Variants in CCDC148 observed in about 807,000 individuals in gnomAD.
CCDC148 encodes coiled-coil domain-containing protein 148.
CCDC148 carries 89 observed loss-of-function variants against 85.7 expected under a neutral mutation model. That is an observed-to-expected ratio of 1.04 (90% CI 0.87 to 1.24). CCDC148 has a LOEUF of 1.24. Ranked by LOEUF, CCDC148 falls within the 50% of genes most tolerant of loss-of-function variation. CCDC148 has a pLI of 0.00. For synonymous variants in CCDC148, 230 were observed against 213.9 expected, an observed-to-expected ratio of 1.08 and a Z score of -0.66; for missense variants, 692 against 671.7, an observed-to-expected ratio of 1.03 and a Z score of -0.33.
chr2:158,421,707 A>C (rs1014676765), intron 1 of CCDC148, among the ~76,000 whole-genome samples: 1 of 152,176 alleles, frequency 6.6e-6, no homozygotes, highest in Non-Finnish European at 1.5e-5. Flanking sequence ...ACACATTCAA[A>C]AGCTAGCAGA....
chr2:158,245,072 G>A, intron 10 of CCDC148, among the ~76,000 whole-genome samples: 1 of 152,252 alleles, frequency 6.6e-6, no homozygotes, highest in African/African-American at 2.4e-5. Context: ...CTGGGAGAAT[G>A]GTTCAGATCT....
intron 1 of CCDC148, among the ~76,000 whole-genome samples, chr2:158,405,312 A>G (rs1490413320): frequency 6.6e-6 from 1 of 152,200 alleles, no homozygotes; most frequent in Non-Finnish European, 1.5e-5. Context: ...AAAAAGCCCT[A>G]CAGATTATCT....
At chr2:158,252,936 A>G (rs1688855006) in intron 9 of CCDC148, among the ~76,000 whole-genome samples, 1 of 151,776 alleles carries the variant, frequency 6.6e-6, no homozygotes, top group African/African-American at 2.4e-5. Flanking sequence ...TAACTTTGCC[A>G]TAGCTTCACA....
At chr2:158,179,500 A>G (rs547463654) in intron 11 of CCDC148, among the ~76,000 whole-genome samples, 4 of 152,116 alleles carry the variant, frequency 2.6e-5, no homozygotes, top group African/African-American at 9.6e-5. Context: ...AATTCAGTTC[A>G]TCTCATTCCT....
intron 7 of CCDC148, among the ~76,000 whole-genome samples, chr2:158,324,420 T>C (rs1692668564): frequency 6.6e-6 from 1 of 152,202 alleles, no homozygotes; most frequent in Admixed American, 6.6e-5. Flanking sequence ...TAATCATTAA[T>C]GTCAGTGTAG....
At chr2:158,237,609 G>A (rs1688165548) in intron 10 of CCDC148, among the ~76,000 whole-genome samples, 1 of 152,170 alleles carries the variant, frequency 6.6e-6, no homozygotes, top group Non-Finnish European at 1.5e-5. Flanking sequence ...TAGGGAAAGA[G>A]TATTTTGGAG....
At chr2:158,176,087 G>GTTCATT (rs1326509620) in intron 13 of CCDC148, among the ~76,000 whole-genome samples, 1 of 151,874 alleles carries the variant, frequency 6.6e-6, no homozygotes, top group Non-Finnish European at 1.5e-5. Flanking sequence ...ATTATCTTCT[G>GTTCATT]TTCATTTTCA....
intron 9 of CCDC148, among the ~76,000 whole-genome samples, chr2:158,301,836 T>C (rs1239876186): frequency 6.6e-6 from 1 of 151,664 alleles, no homozygotes; most frequent in Non-Finnish European, 1.5e-5. Context: ...CCTTAAGGGG[T>C]GGAGAAGATT....
At chr2:158,431,046 G>GA (rs1470724644) in intron 1 of CCDC148, among the ~76,000 whole-genome samples, 2 of 150,930 alleles carry the variant, frequency 1.3e-5, no homozygotes, top group East Asian at 3.9e-4. Flanking sequence ...AACACAGAGA[G>GA]AAAAAAGACC....
chr2:158,177,151 G>A (rs1416305685), intron 12 of CCDC148, among the ~76,000 whole-genome samples: 1 of 151,796 alleles, frequency 6.6e-6, no homozygotes, highest in Non-Finnish European at 1.5e-5. Context: ...TGGCATTAGT[G>A]AACAAGGTGG....
intron 9 of CCDC148, among the ~76,000 whole-genome samples, chr2:158,303,186 T>G (rs548906079): frequency 4.3e-4 from 65 of 152,320 alleles, no homozygotes; most frequent in Non-Finnish European, 8.4e-4. Flanking sequence ...GGTTAAATGT[T>G]TAATTAATGT....
chr2:158,323,230 CAT>C (rs980142596), intron 7 of CCDC148, among the ~76,000 whole-genome samples: 7 of 152,166 alleles, frequency 4.6e-5, no homozygotes, highest in African/African-American at 1.2e-4. Flanking sequence ...CCCCTAGCCA[CAT>C]GTGGCTTAAA....
chr2:158,279,922 G>A (rs2105173497), intron 9 of CCDC148, among the ~76,000 whole-genome samples: 1 of 151,682 alleles, frequency 6.6e-6, no homozygotes, highest in East Asian at 1.9e-4. Flanking sequence ...ACTAACAGCG[G>A]ATCTCTCGGC....
chr2:158,327,288 C>T (rs930340101), intron 7 of CCDC148, among the ~76,000 whole-genome samples: 13 of 152,134 alleles, frequency 8.5e-5, no homozygotes, highest in African/African-American at 3.1e-4. Flanking sequence ...TACCTGTTTT[C>T]TCCACACTCT....
At chr2:158,286,840 A>C (rs1306349026) in intron 9 of CCDC148, among the ~76,000 whole-genome samples, 1 of 152,228 alleles carries the variant, frequency 6.6e-6, no homozygotes, top group Non-Finnish European at 1.5e-5. Flanking sequence ...GTCTAGGATT[A>C]TGGGTCTGAG....
At chr2:158,370,505 C>A (rs1684393634) in intron 1 of CCDC148, among the ~76,000 whole-genome samples, 2 of 151,914 alleles carry the variant, frequency 1.3e-5, no homozygotes, top group South Asian at 2.1e-4. Flanking sequence ...TGGTCATTTT[C>A]ATATGAAAGA....
intron 9 of CCDC148, among the ~76,000 whole-genome samples, chr2:158,277,279 G>C (rs1274094560): frequency 2.0e-5 from 3 of 152,186 alleles, no homozygotes; most frequent in Non-Finnish European, 4.4e-5. Context: ...ATTCACAGCA[G>C]GGTTGGCTAT....
rs1169621048 is a variant in CCDC148 at position 158,172,159 on chromosome 2, T to C, written c.1730A>G (p.Gln577Arg). 6.2e-7 allele frequency: 1 copy of C among 1,610,154 alleles called. No individual in the cohort carries two copies. The highest frequency in any genetic ancestry group is 8.5e-7 in the Non-Finnish European group (1 of 1,177,674). The change falls in exon 14 of 14, where the codon CAA (glutamine) becomes CGA (arginine). Residue 577 changes from glutamine to arginine, a missense_variant. Coordinates refer to ENST00000283233, the MANE Select transcript of CCDC148 (RefSeq NM_138803.4). ...CTCCATGTCCTTTCTTGGAGGTTTT[T>C]GAGGACTAATTTTTGGTAATATCTC... ...AKEILPKISP[Q>R]KPPRKDMEST...
intron 1 of CCDC148, among the ~76,000 whole-genome samples, chr2:158,366,266 G>A (rs1369769715): frequency 6.6e-6 from 1 of 151,964 alleles, no homozygotes; most frequent in Non-Finnish European, 1.5e-5. Flanking sequence ...TGCCTTTCTT[G>A]TTCTTGGTCC....
Sources: allele counts gnomAD v4.1 joint callset (sites outside exome capture counted in the v4.1 genomes callset), GRCh38; gene constraint gnomAD v4.1.1; transcripts MANE v1.5; gene names NCBI Gene and HGNC (gene_info 2026-07-23, HGNC 2026-07-21).